The following PGBD2 variants were observed in gnomAD, a reference collection of about 807,000 sequenced individuals.
The protein encoded by PGBD2 is piggyBac transposable element derived 2, also known as piggyBac transposable element-derived protein 2.
PGBD2 carries 6 observed loss-of-function variants against 8.1 expected under a neutral mutation model. That is an observed-to-expected ratio of 0.74 (90% CI 0.40 to 1.46). The LOEUF (loss-of-function observed/expected upper bound fraction) is 1.46, where lower values mean the gene tolerates loss of function less well. PGBD2 is among the 40% of genes most tolerant of loss of function. The probability of loss-of-function intolerance (pLI) is 0.02; values close to 1 mark genes in which losing one functional copy is unlikely to be tolerated. For synonymous variants in PGBD2, 318 were observed against 272.2 expected (o/e 1.17, Z -1.66); for missense variants, 802 against 739.0 (o/e 1.09, Z -0.99).
chr1:248,920,361 T>C (rs1424870764), downstream of PGBD2, among the ~76,000 whole-genome samples: 1 of 152,170 alleles, frequency 6.6e-6, no homozygotes, highest in African/African-American at 2.4e-5. Context: ...GTGTTCTTAT[T>C]GTTCAACTCC....
chr1:248,887,609 C>T, the PGBD2 span, among the ~76,000 whole-genome samples: 1 of 152,056 alleles, frequency 6.6e-6, no homozygotes, highest in Non-Finnish European at 1.5e-5. Context: ...CGAAACACAC[C>T]AAACCAGTAG....
At chr1:248,908,237 C>T (rs943169210) in intron 1 of PGBD2, among the ~76,000 whole-genome samples, 1 of 152,194 alleles carries the variant, frequency 6.6e-6, no homozygotes, top group Non-Finnish European at 1.5e-5. Context: ...CTCCCAATCC[C>T]CTAGGACCCT....
downstream of PGBD2, among the ~76,000 whole-genome samples, chr1:248,921,294 A>T (rs1019127968): frequency 6.6e-6 from 1 of 152,086 alleles, no homozygotes; most frequent in Non-Finnish European, 1.5e-5. Flanking sequence ...TAAGTCTTTG[A>T]TCCATCTTGA....
chr1:248,892,697 T>C, the PGBD2 span, among the ~76,000 whole-genome samples: 1 of 152,234 alleles, frequency 6.6e-6, no homozygotes, highest in African/African-American at 2.4e-5. Context: ...GCCCTTGGAA[T>C]ATCCTGCCTG....
upstream of PGBD2, among the ~76,000 whole-genome samples, chr1:248,905,822 C>T (rs1661612834): frequency 6.6e-6 from 1 of 152,202 alleles, no homozygotes; most frequent in South Asian, 2.1e-4. Context: ...CCACAATTAC[C>T]TTCAGGGTTG....
Position 248,917,548 on chromosome 1 carries a change from A to C in PGBD2, c.964A>C (p.Arg322=), listed in dbSNP as rs1465150723. Reference sequence around the variant, plus strand: ...GGGCACACTGTTTACCAAGCCAGACAGGAGCTTGGATCTAGGAGGCAGTAT... The same window carrying C: ...GGGCACACTGTTTACCAAGCCAGACCGGAGCTTGGATCTAGGAGGCAGTAT... ...SQGTLFTKPD[R]SLDLGGSMVI... The change falls in exon 3 of 3, where the codon AGG becomes CGG. Residue 322 remains arginine, a synonymous_variant. Transcript: ENST00000329291. 1.2e-6 allele frequency: 2 copies of C among 1,614,232 alleles called. No individual in the cohort carries two copies. Among genetic ancestry groups the C allele is most frequent in the Non-Finnish European group, 1.7e-6 (2 of 1,180,036 alleles).
the PGBD2 span, among the ~76,000 whole-genome samples, chr1:248,925,376 T>G: frequency 0.011 from 1,603 of 152,320 alleles, 38 homozygotes; most frequent in African/African-American, 0.037. Context: ...AGCATCATCA[T>G]TCTAAAACCC....
chr1:248,897,643 T>C, the PGBD2 span, among the ~76,000 whole-genome samples: 1 of 152,156 alleles, frequency 6.6e-6, no homozygotes, highest in Non-Finnish European at 1.5e-5. Context: ...CAGGAGTTTT[T>C]GCATGCTGAA....
chr1:248,878,393 G>T, the PGBD2 span, among the ~76,000 whole-genome samples: 1 of 152,090 alleles, frequency 6.6e-6, no homozygotes, highest in Admixed American at 6.5e-5. Context: ...TGGCCAGGCT[G>T]GTCTCGAATT....
At chr1:248,880,060 T>C in the PGBD2 span, among the ~76,000 whole-genome samples, 4 of 152,194 alleles carry the variant, frequency 2.6e-5, no homozygotes, top group Non-Finnish European at 5.9e-5. Context: ...TCATGGAAGC[T>C]GATCCTTCCA....
rs1321064808 is a variant in PGBD2 at position 248,917,797 on chromosome 1, A to C, written c.1213A>C (p.Ser405Arg). 5 of 1,614,082 alleles carry C rather than the reference A, an allele frequency of 3.1e-6. No homozygotes were observed. The highest frequency in any genetic ancestry group is 1.1e-5 in the South Asian group (1 of 91,088). The change falls in exon 3 of 3, where the codon AGT becomes CGT. Residue 405 changes from serine to arginine, a missense_variant. Transcript: ENST00000329291. Reference sequence around the variant, plus strand: ...TTCATTTGATTACAAAGTCGATGAGAGTGAGGAGATCATCGTGTGCCGCTG... The same window carrying C: ...TTCATTTGATTACAAAGTCGATGAGCGTGAGGAGATCATCGTGTGCCGCTG... ...RGSFDYKVDESEEIIVCRWHD... is the reference protein window; with the variant it reads ...RGSFDYKVDEREEIIVCRWHD...
chr1:248,887,692 A>G, the PGBD2 span, among the ~76,000 whole-genome samples: 1 of 152,182 alleles, frequency 6.6e-6, no homozygotes, highest in South Asian at 2.1e-4. Context: ...TTTTAATTTT[A>G]GATTCAGGGG....
At chr1:248,899,717 A>C in the PGBD2 span, among the ~76,000 whole-genome samples, 1 of 151,980 alleles carries the variant, frequency 6.6e-6, no homozygotes, top group African/African-American at 2.4e-5. Flanking sequence ...GAAATAACCA[A>C]GATCAGAGTA....
the PGBD2 span, among the ~76,000 whole-genome samples, chr1:248,900,200 C>T: frequency 6.7e-6 from 1 of 149,800 alleles, no homozygotes; most frequent in Admixed American, 6.7e-5. Flanking sequence ...CTATTTCAAA[C>T]AATTGAAAAG....
At chr1:248,897,474 T>C in the PGBD2 span, among the ~76,000 whole-genome samples, 1 of 152,114 alleles carries the variant, frequency 6.6e-6, no homozygotes, top group Non-Finnish European at 1.5e-5. Context: ...ATTAAATGTA[T>C]GTTCAAGTGC....
At chr1:248,907,368 C>A (rs1661691421) in intron 1 of PGBD2, among the ~76,000 whole-genome samples, 1 of 152,222 alleles carries the variant, frequency 6.6e-6, no homozygotes, top group Non-Finnish European at 1.5e-5. Flanking sequence ...AATGTACAAT[C>A]AGGTTTTGTA....
the PGBD2 span, among the ~76,000 whole-genome samples, chr1:248,928,956 G>C: frequency 4.6e-5 from 7 of 152,202 alleles, no homozygotes; most frequent in Non-Finnish European, 7.3e-5. Context: ...GGAATGAAAT[G>C]AATTCTCTAG....
the PGBD2 span, among the ~76,000 whole-genome samples, chr1:248,884,238 G>A: frequency 1.3e-5 from 2 of 152,100 alleles, no homozygotes; most frequent in Non-Finnish European, 2.9e-5. Context: ...TTTTAAAGTG[G>A]TTTATTCTAA....
chr1:248,913,275 G>A (rs1558287125), intron 1 of PGBD2, among the ~76,000 whole-genome samples: 1 of 151,950 alleles, frequency 6.6e-6, no homozygotes, highest in Non-Finnish European at 1.5e-5. Context: ...CTCCTTCCCT[G>A]CACATAGTAT....
Sources: allele counts gnomAD v4.1 joint callset (sites outside exome capture counted in the v4.1 genomes callset), GRCh38; gene constraint gnomAD v4.1.1; transcripts MANE v1.5; gene names NCBI Gene and HGNC (gene_info 2026-07-23, HGNC 2026-07-21).